Variants in VPS13B observed in about 807,000 individuals in gnomAD.
VPS13B encodes vacuolar protein sorting 13 homolog B.
VPS13B carries 285 observed loss-of-function variants against 426.4 expected under a neutral mutation model. That is an observed-to-expected ratio of 0.67 (90% confidence interval 0.61 to 0.74). The LOEUF is 0.74. Among genes scored for constraint, VPS13B ranks in the 30% least tolerant of loss-of-function variants. The pLI, the probability that VPS13B is intolerant of heterozygous loss-of-function variation, is 0.00. For missense variants in VPS13B, 4,537 were observed against 4,782.6 expected, an observed-to-expected ratio of 0.95 and a Z score of 1.51; for synonymous variants, 1,676 against 1,676.4, an observed-to-expected ratio of 1.00 and a Z score of 0.01.
intron 25 of VPS13B, among the ~76,000 whole-genome samples, chr8:99,486,068 G>A (rs1373481428): frequency 1.3e-5 from 2 of 151,994 alleles, no homozygotes; most frequent in Non-Finnish European, 2.9e-5. Context: ...GCCCTCTGTT[G>A]CAGAATTGTC....
intron 21 of VPS13B, among the ~76,000 whole-genome samples, chr8:99,422,767 ATACT>A (rs1816443515): frequency 6.6e-6 from 1 of 152,234 alleles, no homozygotes; most frequent in Admixed American, 6.5e-5. Context: ...AAAGAGTTAA[ATACT>A]TACCACTTCC....
At chr8:99,522,993 T>C (rs1822452010) in intron 30 of VPS13B, among the ~76,000 whole-genome samples, 1 of 152,194 alleles carries the variant, frequency 6.6e-6, no homozygotes, top group African/African-American at 2.4e-5. Flanking sequence ...TTATTATTCC[T>C]ATGATTTTGT....
rs1484708441 is a variant in VPS13B, at chr8:99,871,663, A to G, written c.11711A>G (p.Gln3904Arg). The change falls in exon 61 of 62, where the codon CAG becomes CGG. Residue 3904 changes from glutamine (Q) to arginine (R), a missense_variant. Coordinates refer to ENST00000357162, the MANE Select transcript of VPS13B (RefSeq NM_152564.5). ...DSKQNNLLTV[Q>R]LKQPRVACDV... ...AAGCAGAACAACTTACTCACAGTGC[A>G]GCTCAAGCAGCCAAGAGTGGCCTGT... The G allele has an allele frequency of 1.2e-6, 2 of 1,614,060 alleles. No individual in the cohort carries two copies. The highest frequency in any genetic ancestry group is 1.7e-6 in the Non-Finnish European group (2 of 1,180,034).
intron 21 of VPS13B, among the ~76,000 whole-genome samples, chr8:99,423,648 A>G (rs935694064): frequency 6.6e-6 from 1 of 152,118 alleles, no homozygotes; most frequent in Non-Finnish European, 1.5e-5. Context: ...TTCCCCATAT[A>G]TAAAACATTC....
chr8:99,472,452 A>T (rs77399674), intron 24 of VPS13B, among the ~76,000 whole-genome samples: 3,308 of 152,036 alleles, frequency 0.022, 129 homozygotes, highest in African/African-American at 0.075. Context: ...ACATGCTTCT[A>T]AATAATTTAT....
chr8:99,484,751 A>T (rs1417064084), intron 25 of VPS13B, among the ~76,000 whole-genome samples: 1 of 151,700 alleles, frequency 6.6e-6, no homozygotes, highest in Non-Finnish European at 1.5e-5. Flanking sequence ...ATAGACAAAC[A>T]CCTCCTTATA....
chr8:99,810,154 A>G (rs1788150), intron 44 of VPS13B, among the ~76,000 whole-genome samples: 17 of 152,166 alleles, frequency 1.1e-4, no homozygotes, highest in Non-Finnish European at 1.6e-4. Flanking sequence ...AAGGGAAAAA[A>G]GTATCTGACA....
chr8:99,326,452 C>CTTTTTTTTTTTTTTTTTTTTTTTT lies in VPS13B; in HGVS notation c.2824+51205_2824+51228dup, dbSNP rs747097247. Among the ~76,000 whole-genome samples, 27 of 32,524 alleles carry CTTTTTTTTTTTTTTTTTTTTTTTT rather than the reference C, an allele frequency of 8.3e-4. 10 individuals carry two copies. Among genetic ancestry groups the CTTTTTTTTTTTTTTTTTTTTTTTT allele is most frequent in the African/African-American group, 1.8e-3 (14 of 7,746 alleles). The allele number at this position is 32,524 out of a possible 152,430, so 21.3% of individuals were successfully genotyped here. ...ATTTCTATCTATCATCTCTAGGTAG[C>CTTTTTTTTTTTTTTTTTTTTTTTT]TTTTTTTTTTTTTTTTTTTTTTTTT... is the stretch of plus-strand genomic sequence containing the variant. On this transcript the variant is annotated intron_variant, in intron 19 of 61. Coordinates refer to ENST00000357162, the MANE Select transcript of VPS13B (RefSeq NM_152564.5).
At chr8:99,431,347 G>A (rs1175652340) in intron 21 of VPS13B, among the ~76,000 whole-genome samples, 190 bp from the exon 22 acceptor site, 1 of 152,004 alleles carries the variant, frequency 6.6e-6, no homozygotes, top group Non-Finnish European at 1.5e-5. Context: ...AACAAATTAG[G>A]CCTGCTTATT....
At chr8:99,060,120 A>G (rs886450484) in intron 3 of VPS13B, among the ~76,000 whole-genome samples, 3 of 152,092 alleles carry the variant, frequency 2.0e-5, no homozygotes, top group African/African-American at 7.2e-5. Flanking sequence ...CAAACCACAC[A>G]CTGATACTTG....
intron 37 of VPS13B, 54 bp downstream of exon 37, chr8:99,717,427 AT>A: frequency 6.7e-7 from 1 of 1,485,152 alleles, no homozygotes; most frequent in Non-Finnish European, 9.4e-7. Context: ...GCCTCTGTTC[AT>A]TTTTTGAACT....
intron 4 of VPS13B, among the ~76,000 whole-genome samples, chr8:99,098,498 A>G (rs965588041): frequency 6.6e-6 from 1 of 152,114 alleles, no homozygotes; most frequent in African/African-American, 2.4e-5. Flanking sequence ...TAACTCTTCT[A>G]CAGTTTATTT....
chr8:99,624,969 C>G (rs1050519886), intron 33 of VPS13B, among the ~76,000 whole-genome samples: 2 of 152,114 alleles, frequency 1.3e-5, no homozygotes, highest in African/African-American at 4.8e-5. Flanking sequence ...AAGCATGCGC[C>G]ACCATGCCCG....
In VPS13B at chr8:99,275,289, CTTT is replaced by C. The variant is rs11332378; in HGVS notation, c.2824+51_2824+53del. On this transcript the variant is annotated intron_variant, in intron 19 of 61. Transcript: ENST00000357162. The stretch of plus-strand genomic sequence containing the variant: ...AACCTATCATTATTCCCTTGTTTTG[CTTT>C]TTTTTTTTTTTTTTTCCAGAAAGGC... 34,262 of 1,155,042 alleles carry C rather than the reference CTTT, an allele frequency of 0.03. No homozygotes were observed. Among genetic ancestry groups the C allele is most frequent in the South Asian group, 0.048 (2,459 of 51,654 alleles). 71.5% of individuals were successfully genotyped at this position (1,155,042 alleles called of 1,614,324 possible).
chr8:99,670,124 T>C (rs1830648003), intron 35 of VPS13B, among the ~76,000 whole-genome samples: 1 of 152,066 alleles, frequency 6.6e-6, no homozygotes, highest in Non-Finnish European at 1.5e-5. Context: ...AACCCTGCTT[T>C]TATGTTATTA....
chr8:99,760,153 AT>A (rs1810855471), intron 39 of VPS13B, among the ~76,000 whole-genome samples: 2 of 150,798 alleles, frequency 1.3e-5, no homozygotes, highest in Non-Finnish European at 3.0e-5. Context: ...TTTTTTTATT[AT>A]TATTATTTTT....
intron 19 of VPS13B, among the ~76,000 whole-genome samples, chr8:99,356,837 CT>C (rs1812207964): frequency 6.6e-6 from 1 of 152,122 alleles, no homozygotes; most frequent in Non-Finnish European, 1.5e-5. Flanking sequence ...TGAATACTTT[CT>C]TCAACCTTTT....
chr8:99,057,997 A>T (rs1330751630), intron 3 of VPS13B, among the ~76,000 whole-genome samples: 1 of 152,208 alleles, frequency 6.6e-6, no homozygotes, highest in African/African-American at 2.4e-5. Flanking sequence ...TCATAAACTT[A>T]TGTGCAACTC....
intron 19 of VPS13B, chr8:99,347,300 A>C (rs1206890783): frequency 2.0e-5 from 3 of 152,430 alleles, no homozygotes; most frequent in African/African-American, 7.2e-5. Flanking sequence ...CTTCTTCCAC[A>C]GTGTGGGCTA....
Sources: allele counts gnomAD v4.1 joint callset (sites outside exome capture counted in the v4.1 genomes callset), GRCh38; gene constraint gnomAD v4.1.1; transcripts MANE v1.5; gene names NCBI Gene and HGNC (gene_info 2026-07-23, HGNC 2026-07-21).